Variants in ZMAT4 observed in about 807,000 individuals in gnomAD.
ZMAT4 encodes zinc finger matrin-type 4, also known as zinc finger matrin-type protein 4.
In ZMAT4, 17 loss-of-function variants were observed where a neutral mutation model predicts 28.7. The ratio of observed to expected loss-of-function variants is 0.59; its 90% confidence interval spans 0.41 to 0.89. The LOEUF (loss-of-function observed/expected upper bound fraction) is 0.89, where lower values mean the gene tolerates loss of function less well. ZMAT4 is among the 40% of genes least tolerant of loss of function. ZMAT4 has a pLI of 0.00. For synonymous variants in ZMAT4, 117 were observed against 109.2 expected, an observed-to-expected ratio of 1.07 and a Z score of -0.44; for missense variants, 240 against 283.8, an observed-to-expected ratio of 0.85 and a Z score of 1.11.
At chr8:40,641,629 G>C (rs1807030730) in intron 5 of ZMAT4, among the ~76,000 whole-genome samples, 1 of 152,114 alleles carries the variant, frequency 6.6e-6, no homozygotes, top group African/African-American at 2.4e-5. Context: ...ATCACAATCT[G>C]TGCTCTTACC....
intron 3 of ZMAT4, among the ~76,000 whole-genome samples, chr8:40,703,027 A>ATATATATT (rs1554542588): frequency 0.043 from 6,470 of 152,048 alleles, 265 homozygotes; most frequent in East Asian, 0.23. Context: ...ATATATATAT[A>ATATATATT]TTCAATAAGG....
intron 1 of ZMAT4, among the ~76,000 whole-genome samples, chr8:40,857,080 G>A (rs553929513): frequency 6.6e-6 from 1 of 152,298 alleles, no homozygotes; most frequent in East Asian, 1.9e-4. Flanking sequence ...AGCTACCTGG[G>A]CAATACCAGG....
intron 4 of ZMAT4, 84 bp from the exon 5 acceptor site, chr8:40,675,015 T>C: frequency 9.4e-7 from 1 of 1,065,532 alleles, no homozygotes; most frequent in South Asian, 1.4e-5. Context: ...AGACCAAAAG[T>C]CTCCTGTTCA....
chr8:40,797,544 G>T (rs886249450), intron 2 of ZMAT4, among the ~76,000 whole-genome samples: 1 of 152,134 alleles, frequency 6.6e-6, no homozygotes, highest in Non-Finnish European at 1.5e-5. Context: ...GACTAAGGAC[G>T]GTGGTATTTG....
intron 2 of ZMAT4, among the ~76,000 whole-genome samples, chr8:40,803,890 A>G (rs1327419737): frequency 1.3e-5 from 2 of 152,216 alleles, no homozygotes; most frequent in African/African-American, 2.4e-5. Flanking sequence ...ACTATTATTC[A>G]TCACTAAAAA....
intron 2 of ZMAT4, among the ~76,000 whole-genome samples, chr8:40,783,749 G>T (rs189122091): frequency 7.2e-5 from 11 of 152,102 alleles, no homozygotes; most frequent in Non-Finnish European, 1.2e-4. Context: ...AGTGGCTCAC[G>T]CTTGTAATCC....
chr8:40,624,626 G>T (rs150595619), intron 5 of ZMAT4, among the ~76,000 whole-genome samples: 5 of 152,320 alleles, frequency 3.3e-5, no homozygotes, highest in African/African-American at 1.2e-4. Flanking sequence ...TGGATGCTTA[G>T]TCATGACTAT....
At chr8:40,648,355 G>C (rs7835682) in intron 5 of ZMAT4, among the ~76,000 whole-genome samples, 1 of 145,806 alleles carries the variant, frequency 6.9e-6, no homozygotes, top group Non-Finnish European at 1.5e-5. Flanking sequence ...GAAATGAAGC[G>C]AGAAGGGAAG....
chr8:40,691,212 T>C (rs1809648181), intron 4 of ZMAT4, among the ~76,000 whole-genome samples: 1 of 152,144 alleles, frequency 6.6e-6, no homozygotes, highest in Non-Finnish European at 1.5e-5. Flanking sequence ...TTCATTAACT[T>C]TAAACTCACC....
chr8:40,786,910 A>G (rs1814110651), intron 2 of ZMAT4: 1 of 352,652 alleles, frequency 2.8e-6, no homozygotes, highest in Non-Finnish European at 5.4e-6. Flanking sequence ...CAAGATTAAA[A>G]CAGAACAGAC....
chr8:40,701,407 G>T (rs1205514901), intron 3 of ZMAT4, among the ~76,000 whole-genome samples: 2 of 151,168 alleles, frequency 1.3e-5, no homozygotes, highest in Non-Finnish European at 2.9e-5. Context: ...CACTTAGTGA[G>T]ATACTTTACA....
At chr8:40,569,913 C>A (rs753077293) in intron 6 of ZMAT4, among the ~76,000 whole-genome samples, 11 of 152,184 alleles carry the variant, frequency 7.2e-5, no homozygotes, top group African/African-American at 2.6e-4. Flanking sequence ...ACTAAAGAAA[C>A]GTCGGTTAAA....
At chr8:40,662,228 A>G (rs1322631219) in intron 5 of ZMAT4, among the ~76,000 whole-genome samples, 1 of 152,030 alleles carries the variant, frequency 6.6e-6, no homozygotes, top group African/African-American at 2.4e-5. Context: ...CAATCCTCCC[A>G]CCTTGGCCTC....
intron 2 of ZMAT4, among the ~76,000 whole-genome samples, chr8:40,801,347 A>T (rs1255118899): frequency 6.2e-5 from 3 of 48,582 alleles, no homozygotes; most frequent in African/African-American, 2.8e-4. Flanking sequence ...TCTTTAAAAA[A>T]AAAAATATAT....
intron 5 of ZMAT4, among the ~76,000 whole-genome samples, chr8:40,618,344 C>A (rs1189364163): frequency 6.6e-6 from 1 of 152,180 alleles, no homozygotes; most frequent in African/African-American, 2.4e-5. Context: ...CACATCCCTG[C>A]TCTACAGAAC....
chr8:40,851,108 C>T (rs919954192), intron 1 of ZMAT4, among the ~76,000 whole-genome samples: 10 of 152,150 alleles, frequency 6.6e-5, no homozygotes, highest in South Asian at 2.1e-4. Context: ...AGGCAGATCA[C>T]GTGAGGTCAG....
intron 1 of ZMAT4, among the ~76,000 whole-genome samples, chr8:40,884,187 C>T (rs1554498393): frequency 6.6e-6 from 1 of 151,192 alleles, no homozygotes; most frequent in Non-Finnish European, 1.5e-5. Flanking sequence ...CCCACCCCGC[C>T]TCACCCACCC....
chr8:40,865,658 A>G (rs1410356837), intron 1 of ZMAT4, among the ~76,000 whole-genome samples: 1 of 152,154 alleles, frequency 6.6e-6, no homozygotes, highest in East Asian at 1.9e-4. Context: ...TTTATATTCT[A>G]CTGGCACTCA....
chr8:40,805,037 G>C (rs1201423872), intron 2 of ZMAT4, among the ~76,000 whole-genome samples: 2 of 149,592 alleles, frequency 1.3e-5, no homozygotes, highest in Admixed American at 1.3e-4. Context: ...GAAAATTTTC[G>C]CAACCTACTC....
Sources: gnomAD v4.1 joint callset for allele counts (sites outside exome capture counted in the v4.1 genomes callset) on GRCh38, gnomAD v4.1.1 for gene constraint, MANE v1.5 for transcripts, NCBI Gene and HGNC (gene_info 2026-07-23, HGNC 2026-07-21) for gene names.